FAM174A: variants seen among roughly 807,000 people sequenced by gnomAD.
FAM174A encodes the protein family with sequence similarity 174 member A, also known as membrane protein FAM174A.
Under a neutral mutation model 14.3 loss-of-function variants are expected in FAM174A, and 14 were observed. The ratio of observed to expected loss-of-function variants is 0.98; its 90% CI spans 0.65 to 1.53. The LOEUF (loss-of-function observed/expected upper bound fraction) is 1.53. FAM174A is among the 40% of genes most tolerant of loss of function. The pLI, the probability that FAM174A is intolerant of heterozygous loss-of-function variation, is 0.00. For synonymous variants in FAM174A, 108 were observed against 111.4 expected (o/e 0.97, Z 0.19); for missense variants, 241 against 249.6 (o/e 0.97, Z 0.23).
Position 100,572,265 on chromosome 5 carries a change from T to A in FAM174A, c.569+10077T>A, listed in dbSNP as rs548194419. 5.6e-4 allele frequency among the ~76,000 whole-genome samples: 84 copies of A among 151,074 alleles called. No homozygotes were observed. In the Middle Eastern group the frequency reaches 0.014, roughly 25 times the overall value. ...TTTTTTACGTCTTTTTTTTTTTTAA[T>A]TATACTTTAAGTTTTAGGGTACATG... On this transcript the variant is annotated intron_variant, in intron 2 of 2. Coordinates refer to ENST00000312637, the MANE Select transcript of FAM174A (RefSeq NM_198507.3).
At chr5:100,549,400 C>G (rs2112371677) in intron 1 of FAM174A, among the ~76,000 whole-genome samples, 1 of 152,220 alleles carries the variant, frequency 6.6e-6, no homozygotes. Context: ...TACATACTTT[C>G]ATATGGAATA....
intron 2 of FAM174A, among the ~76,000 whole-genome samples, chr5:100,569,000 C>T (rs1204836868): frequency 1.3e-5 from 2 of 151,896 alleles, no homozygotes; most frequent in East Asian, 1.9e-4. Context: ...ATACATGAAA[C>T]TTAAACACAC....
At chr5:100,549,820 G>A (rs142596394) in intron 1 of FAM174A, among the ~76,000 whole-genome samples, 105 of 152,146 alleles carry the variant, frequency 6.9e-4, no homozygotes, top group Middle Eastern at 3.4e-3. Flanking sequence ...ACAATAATCT[G>A]CGAACTTCAA....
chr5:100,560,402 A>G (rs1746499551), intron 1 of FAM174A, among the ~76,000 whole-genome samples: 1 of 152,106 alleles, frequency 6.6e-6, no homozygotes, highest in Admixed American at 6.6e-5. Flanking sequence ...TGCTAGTACT[A>G]ATATTTACTG....
chr5:100,582,525 T>A (rs995267103), intron 2 of FAM174A, among the ~76,000 whole-genome samples: 1 of 152,084 alleles, frequency 6.6e-6, no homozygotes, highest in Admixed American at 6.6e-5. Flanking sequence ...CGATGGCTCT[T>A]ACTAGCAGAA....
chr5:100,563,481 C>A (rs1488452901), intron 2 of FAM174A, among the ~76,000 whole-genome samples: 5 of 151,250 alleles, frequency 3.3e-5, no homozygotes, highest in African/African-American at 1.2e-4. Context: ...TATCAGAGCA[C>A]CTAAATTATA....
intron 1 of FAM174A, among the ~76,000 whole-genome samples, chr5:100,557,112 G>A (rs192929734): frequency 3.9e-4 from 60 of 152,222 alleles, no homozygotes; most frequent in South Asian, 1.0e-3. Flanking sequence ...TTTGAGAAAC[G>A]TCCCATCAGT....
intron 1 of FAM174A, among the ~76,000 whole-genome samples, chr5:100,549,810 A>T (rs552510147): frequency 6.6e-6 from 1 of 152,270 alleles, no homozygotes; most frequent in East Asian, 1.9e-4. Context: ...ATTCAAAACT[A>T]CAATAATCTG....
At chr5:100,557,988 T>C (rs1245175215) in intron 1 of FAM174A, among the ~76,000 whole-genome samples, 1 of 152,190 alleles carries the variant, frequency 6.6e-6, no homozygotes, top group Non-Finnish European at 1.5e-5. Flanking sequence ...AGCTTTTGAA[T>C]GTGTTTACTC....
intron 2 of FAM174A, among the ~76,000 whole-genome samples, chr5:100,576,591 A>C (rs1473761976): frequency 6.6e-6 from 1 of 152,124 alleles, no homozygotes; most frequent in African/African-American, 2.4e-5. Context: ...CATGGGGAGG[A>C]AAATGGAAGT....
chr5:100,572,614 G>T (rs1210412897), intron 2 of FAM174A, among the ~76,000 whole-genome samples: 1 of 151,910 alleles, frequency 6.6e-6, no homozygotes, highest in African/African-American at 2.4e-5. Context: ...GTATTCCATG[G>T]TGTAAATGTG....
chr5:100,549,043 T>G (rs1746214139), intron 1 of FAM174A, among the ~76,000 whole-genome samples: 1 of 152,140 alleles, frequency 6.6e-6, no homozygotes. Context: ...TATATGTATC[T>G]ATGTATATAC....
At chr5:100,545,747 T>C (rs1356005047) in intron 1 of FAM174A, among the ~76,000 whole-genome samples, 1 of 152,190 alleles carries the variant, frequency 6.6e-6, no homozygotes, top group Non-Finnish European at 1.5e-5. Flanking sequence ...ATGATAGTTT[T>C]AGTTTTAACT....
chr5:100,566,924 G>A (rs978166293), intron 2 of FAM174A, among the ~76,000 whole-genome samples: 3 of 151,898 alleles, frequency 2.0e-5, no homozygotes, highest in South Asian at 4.2e-4. Flanking sequence ...AGGAGACCAC[G>A]ATAAAGAGTA....
At chr5:100,545,804 A>G (rs1359792834) in intron 1 of FAM174A, among the ~76,000 whole-genome samples, 1 of 152,178 alleles carries the variant, frequency 6.6e-6, no homozygotes, top group Non-Finnish European at 1.5e-5. Context: ...CATTATTAAT[A>G]TATGTTACAT....
At chr5:100,577,171 C>A (rs1024585830) in intron 2 of FAM174A, among the ~76,000 whole-genome samples, 1 of 151,558 alleles carries the variant, frequency 6.6e-6, no homozygotes, top group Non-Finnish European at 1.5e-5. Flanking sequence ...ATCACAAGTA[C>A]CTTATAAATA....
At chr5:100,548,159 CA>C (rs1746197777) in intron 1 of FAM174A, among the ~76,000 whole-genome samples, 1 of 151,990 alleles carries the variant, frequency 6.6e-6, no homozygotes, top group Admixed American at 6.6e-5. Flanking sequence ...CAATGGCTGG[CA>C]AAAGGAAAAT....
intron 2 of FAM174A, among the ~76,000 whole-genome samples, chr5:100,568,961 A>G (rs1746721393): frequency 6.6e-6 from 1 of 151,764 alleles, no homozygotes; most frequent in Non-Finnish European, 1.5e-5. Flanking sequence ...TATAAGGAAA[A>G]CACTAACATG....
chr5:100,559,913 G>C (rs1230859671), intron 1 of FAM174A, among the ~76,000 whole-genome samples: 1 of 151,930 alleles, frequency 6.6e-6, no homozygotes, highest in African/African-American at 2.4e-5. Flanking sequence ...TTAGCTCGGA[G>C]TAGTTTGATC....
Sources: allele counts gnomAD v4.1 joint callset (sites outside exome capture counted in the v4.1 genomes callset), GRCh38; gene constraint gnomAD v4.1.1; transcripts MANE v1.5; gene names NCBI Gene and HGNC (gene_info 2026-07-23, HGNC 2026-07-21).